The following SPTBN2 variants were observed in gnomAD, a reference collection of about 807,000 sequenced individuals.
SPTBN2 encodes the protein spectrin beta, non-erythrocytic 2, also known as spectrin beta chain, non-erythrocytic 2.
Under a neutral mutation model 284.2 loss-of-function variants are expected in SPTBN2, and 107 were observed. That is an observed-to-expected ratio of 0.38 (90% CI 0.32 to 0.44). The LOEUF (loss-of-function observed/expected upper bound fraction) is 0.44, where lower values mean the gene tolerates loss of function less well. SPTBN2 is among the 20% of genes least tolerant of loss of function. The probability of loss-of-function intolerance (pLI) is 1.00; values close to 1 mark genes in which losing one functional copy is unlikely to be tolerated. For synonymous variants in SPTBN2, 1,289 were observed against 1,354.8 expected (o/e 0.95, Z 1.07); for missense variants, 2,569 against 3,287.1 (o/e 0.78, Z 5.34).
chr11:66,725,526 C>T (rs956043881), intron 1 of SPTBN2, among the ~76,000 whole-genome samples: 2 of 152,184 alleles, frequency 1.3e-5, no homozygotes, highest in Non-Finnish European at 1.5e-5. Flanking sequence ...GGCCAGCAGC[C>T]CCCCAGCTTC....
chr11:66,720,575 G>A (rs1942350115), intron 3 of SPTBN2, among the ~76,000 whole-genome samples: 1 of 152,216 alleles, frequency 6.6e-6, no homozygotes, highest in Non-Finnish European at 1.5e-5. Context: ...GCAGCAGCGG[G>A]TGGAGGGAAC....
rs549729983 is a variant in SPTBN2 at position 66,714,499 on chromosome 11, T to C, written c.484-92A>G. 1.3e-5 allele frequency: 15 copies of C among 1,133,844 alleles called. No homozygotes were observed. The South Asian group carries it at 1.9e-4, about 14-fold the overall frequency. 70.2% of individuals were successfully genotyped at this position (1,133,844 alleles called of 1,614,324 possible). A position where few individuals can be genotyped will look rare whatever the true frequency, so the allele number is the denominator to read the frequency against. On this transcript the variant is annotated intron_variant, in intron 5 of 37. Coordinates refer to ENST00000533211, the MANE Select transcript of SPTBN2 (RefSeq NM_006946.4). ...AGATAAATGGCAGGAAACTGCTCTT[T>C]AGACTGTGGTAATGGGGTGGACAGG...
chr11:66,692,725 G>A lies in SPTBN2; in HGVS notation c.5001C>T (p.Ile1667=), dbSNP rs1940643160. 1.2e-6 allele frequency: 2 copies of A among 1,602,222 alleles called. No homozygotes were observed. The highest frequency in any genetic ancestry group is 1.7e-6 in the Non-Finnish European group (2 of 1,179,960). The change falls in exon 26 of 38, where the codon ATC becomes ATT. Residue 1667 remains isoleucine, a synonymous_variant. Transcript: ENST00000533211. ...HEHPESTRIS[I]RQAQVDKLYA... ...ACAGCTTGTCCACCTGGGCTTGGCG[G>A]ATGGATATCCGAGTGCTGCAAGAAG... is the stretch of plus-strand genomic sequence containing the variant.
chr11:66,714,475 G>A, intron 5 of SPTBN2, 68 bp from the exon 6 acceptor site: 1 of 1,373,472 alleles, frequency 7.3e-7, no homozygotes, highest in East Asian at 2.3e-5. Flanking sequence ...GAGATGCTCA[G>A]ATAAATGGCA....
intron 1 of SPTBN2, among the ~76,000 whole-genome samples, chr11:66,735,617 T>G (rs1942846370): frequency 6.6e-6 from 1 of 151,966 alleles, no homozygotes; most frequent in South Asian, 2.1e-4. Context: ...GTGGTAGAGG[T>G]GGGAGAATTG....
chr11:66,741,282 G>A (rs767256467), intron 1 of SPTBN2, among the ~76,000 whole-genome samples: 3 of 152,122 alleles, frequency 2.0e-5, no homozygotes, highest in Non-Finnish European at 4.4e-5. Flanking sequence ...AGATCTGATG[G>A]TTTTATAAGG....
At chr11:66,725,191 G>A (rs1053177405) in intron 1 of SPTBN2, among the ~76,000 whole-genome samples, 5 of 152,208 alleles carry the variant, frequency 3.3e-5, no homozygotes, top group African/African-American at 1.2e-4. Context: ...GGTGTCCTTA[G>A]ATCACAGACC....
At chr11:66,688,578 G>A in intron 31 of SPTBN2, 75 bp downstream of exon 31, 1 of 1,582,074 alleles carries the variant, frequency 6.3e-7, no homozygotes, top group South Asian at 1.1e-5. Flanking sequence ...GAGAAGACAT[G>A]TCTTCTCCAA....
upstream of SPTBN2, among the ~76,000 whole-genome samples, chr11:66,730,319 C>T (rs1942786583): frequency 6.6e-6 from 1 of 151,774 alleles, no homozygotes; most frequent in South Asian, 2.1e-4. Context: ...CGCAGTGGCT[C>T]ACCCTTGTAA....
chr11:66,715,690 G>T lies in SPTBN2; in HGVS notation c.309+140C>A. 1 of 1,238,812 alleles carries T rather than the reference G, an allele frequency of 8.1e-7. No individual in the cohort carries two copies. Among genetic ancestry groups the T allele is most frequent in the Non-Finnish European group, 1.1e-6 (1 of 874,102 alleles). The allele number at this position is 1,238,812 out of a possible 1,614,324, so 76.7% of individuals were successfully genotyped here. A position where few individuals can be genotyped will look rare whatever the true frequency, so the allele number is the denominator to read the frequency against. ...TGTAATCTAAGTGGCAAAGGCACTT[G>T]AAATGAACCCATCCTCTGAGCAGAG... On this transcript the variant is annotated intron_variant, in intron 4 of 37. Transcript: ENST00000533211. The surrounding 1 kb of genome is among the most constrained non-coding windows in gnomAD (Gnocchi z 5.3).
Position 66,690,218 on chromosome 11 carries a change from C to A in SPTBN2, c.5631G>T (p.Glu1877Asp). Residue 1877 changes from glutamate to aspartate, a missense_variant, in exon 28 of 38, where the codon GAG becomes GAT. Glu to Asp is a conservative substitution (Grantham distance 45, BLOSUM62 2). Coordinates refer to ENST00000533211, the MANE Select transcript of SPTBN2 (RefSeq NM_006946.4). ...QKAYAGDKAE[E>D]IGRHMQAVAE... is the part of the protein sequence containing the mutation. ...CCACGGCCTGCATGTGGCGGCCGAT[C>A]TCCTCAGCCTTGTCTCCAGCGTAGG... 6.2e-7 allele frequency: 1 copy of A among 1,613,666 alleles called. No individual in the cohort carries two copies. The highest frequency in any genetic ancestry group is 8.5e-7 in the Non-Finnish European group (1 of 1,179,838).
Position 66,718,721 on chromosome 11 carries a change from A to G in SPTBN2, c.157+2363T>C, listed in dbSNP as rs1162291145. ...CCAGTGGAACCTCAGGCTGGAGTCC[A>G]GCGTCAGGGGATTCAAGAATGGTGG... On this transcript the variant is annotated intron_variant, in intron 3 of 37. Transcript: ENST00000533211. This position sits in a 1 kb window ranked among gnomAD's most constrained non-coding sequence, Gnocchi z 4.8. Among the ~76,000 whole-genome samples, 1 of 152,254 alleles carries G rather than the reference A, an allele frequency of 6.6e-6. No individual in the cohort carries two copies. Among genetic ancestry groups the G allele is most frequent in the Non-Finnish European group, 1.5e-5 (1 of 68,048 alleles).
In SPTBN2 at chr11:66,694,331, C is replaced by T; in HGVS notation, c.4311G>A (p.Lys1437=). ...CCTGGGCCTGGATTGCCTCCACCTC[C>T]TTCTCTCTCACAGCCATCTCCCATT... ...MLEWEMAVRE[K]EVEAIQAQAK... The change falls in exon 22 of 38, where the codon AAG becomes AAA. Residue 1437 remains lysine, a synonymous_variant. Transcript: ENST00000533211. 1 of 1,614,204 alleles carries T rather than the reference C, an allele frequency of 6.2e-7. No homozygotes were observed. The highest frequency in any genetic ancestry group is 1.1e-5 in the South Asian group (1 of 91,086).
intron 21 of SPTBN2, 55 bp downstream of exon 21, chr11:66,696,222 G>A: frequency 6.3e-7 from 1 of 1,599,722 alleles, no homozygotes; most frequent in Non-Finnish European, 8.5e-7. Flanking sequence ...AATCTTGAAA[G>A]CTGCAGCCCC....
In SPTBN2 at chr11:66,696,380, C is replaced by T. The variant is rs1488235039; in HGVS notation, c.4175G>A (p.Cys1392Tyr). The T allele has an allele frequency of 6.2e-7, 1 of 1,613,428 alleles. No homozygotes were observed. The change falls in exon 21 of 38, where the codon TGC (cysteine) becomes TAC (tyrosine). Residue 1392 changes from cysteine to tyrosine, a missense_variant. Physicochemically the swap from Cys to Tyr is radical, Grantham distance 194. This residue lies in a region of SPTBN2 where 49 missense variants were observed against 92.6 expected (regional missense o/e 0.53). Transcript: ENST00000533211. ...CTCCAGCCAGCTCTCCAGGGCACAG[C>T]AGCTCTGGGCAAACAGCTCAGCTCG... ...ANRAELFAQS[C>Y]CALESWLESL...
At position 66,707,537 on chromosome 11, in the gene SPTBN2, C is replaced by T. The variant is rs764436153; in HGVS notation, c.1632G>A (p.Met544Ile). 3.1e-6 allele frequency: 5 copies of T among 1,608,556 alleles called. No individual in the cohort carries two copies. In the South Asian group the frequency reaches 5.5e-5, roughly 18 times the overall value. Residue 544 changes from methionine (M) to isoleucine (I), a missense_variant, in exon 13 of 38, where the codon ATG becomes ATA. Coordinates refer to ENST00000533211, the MANE Select transcript of SPTBN2 (RefSeq NM_006946.4). The surrounding 1 kb of genome is among the most constrained non-coding windows in gnomAD (Gnocchi z 4.9). ...GTACCTTCATCTCTTCCATCCAGTC[C>T]ATGAGGTAGAGCAGGTCCTGGAACA... Reference protein sequence around the residue: ...QKVFQDLLYLMDWMEEMKGRL... With the variant: ...QKVFQDLLYLIDWMEEMKGRL...
chr11:66,714,496 C>G, intron 5 of SPTBN2, 89 bp from the exon 6 acceptor site: 1 of 1,174,812 alleles, frequency 8.5e-7, no homozygotes, highest in East Asian at 2.4e-5. Flanking sequence ...GGAAACTGCT[C>G]TTTAGACTGT....
At chr11:66,740,929 C>G (rs781012179) in intron 1 of SPTBN2, among the ~76,000 whole-genome samples, 1 of 152,054 alleles carries the variant, frequency 6.6e-6, no homozygotes, top group African/African-American at 2.4e-5. Context: ...AGGGCACATT[C>G]AAAAGGAAAG....
chr11:66,722,301 G>A (rs955241451), intron 1 of SPTBN2, among the ~76,000 whole-genome samples: 5 of 152,150 alleles, frequency 3.3e-5, no homozygotes, highest in Non-Finnish European at 2.9e-5. Context: ...TTGGCTGGGC[G>A]CGGTGTCTCA....
Sources: allele counts gnomAD v4.1 joint callset (sites outside exome capture counted in the v4.1 genomes callset), GRCh38; gene constraint gnomAD v4.1.1; regional missense constraint gnomAD v4.1.1; non-coding constraint Gnocchi (gnomAD v3.1); transcripts MANE v1.5; gene names NCBI Gene and HGNC (gene_info 2026-07-23, HGNC 2026-07-21).